The following NYAP2 variants were observed in gnomAD, a reference collection of about 807,000 sequenced individuals.
NYAP2 encodes neuronal tyrosine-phosphorylated phosphoinositide-3-kinase adapter 2.
Under a neutral mutation model 50.4 loss-of-function variants are expected in NYAP2, and 23 were observed. The ratio of observed to expected loss-of-function variants is 0.46; its 90% CI spans 0.33 to 0.65. The LOEUF is 0.65. Among genes scored for constraint, NYAP2 ranks in the 30% least tolerant of loss-of-function variants. The pLI is 0.02. For synonymous variants in NYAP2, 394 were observed against 365.2 expected (o/e 1.08, Z -0.90); for missense variants, 885 against 861.0 (o/e 1.03, Z -0.35).
chr2:225,691,128 T>C, the NYAP2 span, among the ~76,000 whole-genome samples: 7 of 152,206 alleles, frequency 4.6e-5, no homozygotes, highest in Admixed American at 2.0e-4. Flanking sequence ...AGATAGTTTA[T>C]GCATCATAGC....
intron 3 of NYAP2, among the ~76,000 whole-genome samples, chr2:225,446,525 T>A (rs1233692813): frequency 6.6e-6 from 1 of 151,796 alleles, no homozygotes. Context: ...ATGAAAGTTA[T>A]ATAGAAAGGA....
At chr2:225,676,605 G>T in the NYAP2 span, among the ~76,000 whole-genome samples, 1 of 152,042 alleles carries the variant, frequency 6.6e-6, no homozygotes, top group African/African-American at 2.4e-5. Context: ...CTTGTACAGA[G>T]CAACTTCTAT....
At chr2:225,636,686 T>C (rs1693423361) in intron 6 of NYAP2, among the ~76,000 whole-genome samples, 1 of 152,136 alleles carries the variant, frequency 6.6e-6, no homozygotes, top group Non-Finnish European at 1.5e-5. Flanking sequence ...CATTGACCAA[T>C]AGAGTGAGAT....
chr2:225,641,253 C>A (rs1693524890), intron 6 of NYAP2, among the ~76,000 whole-genome samples: 1 of 152,124 alleles, frequency 6.6e-6, no homozygotes, highest in African/African-American at 2.4e-5. Context: ...AATGCCCTTT[C>A]TGTTTCTGCG....
downstream of NYAP2, among the ~76,000 whole-genome samples, chr2:225,656,434 T>G (rs79934991): frequency 0.025 from 3,804 of 152,234 alleles, 173 homozygotes; most frequent in African/African-American, 0.086. Flanking sequence ...AGCAGCCCCC[T>G]GGCCTCTCAC....
At chr2:225,415,213 A>G (rs1211353124) in intron 3 of NYAP2, among the ~76,000 whole-genome samples, 1 of 152,190 alleles carries the variant, frequency 6.6e-6, no homozygotes, top group Admixed American at 6.6e-5. Flanking sequence ...AATACATGCA[A>G]TTGCATATTA....
At chr2:225,429,937 G>A in intron 3 of NYAP2, among the ~76,000 whole-genome samples, 1 of 152,196 alleles carries the variant, frequency 6.6e-6, no homozygotes. Flanking sequence ...CTCTTAAGCA[G>A]ACACACACAC....
chr2:225,687,863 G>A, the NYAP2 span, among the ~76,000 whole-genome samples: 2 of 152,112 alleles, frequency 1.3e-5, no homozygotes, highest in African/African-American at 4.8e-5. Flanking sequence ...GCCCTCTTGA[G>A]TTAGTATAAC....
chr2:225,412,206 C>T (rs766780357), intron 3 of NYAP2, among the ~76,000 whole-genome samples: 2 of 144,972 alleles, frequency 1.4e-5, no homozygotes, highest in Non-Finnish European at 3.0e-5. Flanking sequence ...ATCCGCCTGC[C>T]TCAGCCTCCC....
intron 3 of NYAP2, among the ~76,000 whole-genome samples, chr2:225,431,751 A>G (rs1181166955): frequency 6.6e-6 from 1 of 152,222 alleles, no homozygotes; most frequent in Non-Finnish European, 1.5e-5. Context: ...AAATGCATTT[A>G]TGCATTAAGA....
chr2:225,626,963 A>T, exon 6 of NYAP2: 1 of 1,586,100 alleles, frequency 6.3e-7, no homozygotes, highest in South Asian at 1.2e-5. Flanking sequence ...CGGAGCCATT[A>T]CCAAAGTTGG....
At chr2:225,696,621 C>T in the NYAP2 span, among the ~76,000 whole-genome samples, 4 of 151,888 alleles carry the variant, frequency 2.6e-5, no homozygotes, top group Non-Finnish European at 5.9e-5. Flanking sequence ...ACACCAAAAC[C>T]TACCTGCCTG....
intron 2 of NYAP2, among the ~76,000 whole-genome samples, chr2:225,405,850 C>G (rs1694932525): frequency 6.6e-6 from 1 of 151,930 alleles, no homozygotes; most frequent in African/African-American, 2.4e-5. Flanking sequence ...TGTATCAACT[C>G]CTAACCTGGC....
intron 4 of NYAP2, among the ~76,000 whole-genome samples, chr2:225,562,740 C>G (rs772572420): frequency 6.6e-6 from 1 of 152,126 alleles, no homozygotes; most frequent in Non-Finnish European, 1.5e-5. Flanking sequence ...CCCCAAACCT[C>G]GCTCCTGTTA....
At chr2:225,702,175 C>A in the NYAP2 span, 10 of 151,638 alleles carry the variant, frequency 6.6e-5, no homozygotes, top group Admixed American at 5.9e-4. Flanking sequence ...GATAGCAATT[C>A]ACAATTCATT....
chr2:225,474,672 C>G (rs1410999258), intron 3 of NYAP2, among the ~76,000 whole-genome samples: 1 of 152,202 alleles, frequency 6.6e-6, no homozygotes, highest in Non-Finnish European at 1.5e-5. Flanking sequence ...TATCCTGAGA[C>G]TTTGCTGAAG....
rs1042458451 is a variant in NYAP2, at chr2:225,521,280, A to G, written c.523+7608A>G. ...TACCCTTTATTTCCTTCTTCTGCCT[A>G]ATTGCCCTGGCCAGAACTTCCAACA... On this transcript the variant is annotated intron_variant, in intron 4 of 6. Coordinates refer to ENST00000636099, the Ensembl canonical transcript of NYAP2. Among the ~76,000 whole-genome samples, 47 of 151,994 alleles carry G rather than the reference A, an allele frequency of 3.1e-4. No homozygotes were observed. In the South Asian group the frequency reaches 6.0e-3, roughly 20 times the overall value.
Position 225,408,973 on chromosome 2 carries a change from T to G in NYAP2, c.93T>G (p.Tyr31Ter). 1 of 1,612,180 alleles carries G rather than the reference T, an allele frequency of 6.2e-7. No individual in the cohort carries two copies. The highest frequency in any genetic ancestry group is 8.5e-7 in the Non-Finnish European group (1 of 1,178,662). The change falls in exon 3 of 7, where the codon TAT (tyrosine) becomes TAG (stop). Residue 31 changes from tyrosine to a stop codon, truncating the protein, a stop_gained. Transcript: ENST00000636099. LOFTEE classifies it high-confidence loss of function. ...TTGAGGATATGGGGATGAAGGCCTA[T>G]GATGGCTTGGTTATTCAGAATGCGT...
chr2:225,455,816 GT>G (rs2106150512), intron 3 of NYAP2, among the ~76,000 whole-genome samples: 1 of 152,318 alleles, frequency 6.6e-6, no homozygotes, highest in East Asian at 1.9e-4. Flanking sequence ...GAGAAACTAA[GT>G]GCTTTGGTTG....
Sources: gnomAD v4.1 joint callset for allele counts (sites outside exome capture counted in the v4.1 genomes callset) on GRCh38, gnomAD v4.1.1 for gene constraint, MANE v1.5 for transcripts, NCBI Gene and HGNC (gene_info 2026-07-23, HGNC 2026-07-21) for gene names.